Variants in THAP8 observed in about 807,000 individuals in gnomAD.
THAP8 encodes THAP domain-containing protein 8.
A neutral mutation model predicts 25.0 loss-of-function variants in THAP8; 24 were observed. That is an observed-to-expected ratio of 0.96 (90% CI 0.69 to 1.35). The LOEUF (loss-of-function observed/expected upper bound fraction) is 1.35, where lower values mean the gene tolerates loss of function less well. Among genes scored for constraint, THAP8 ranks in the 40% most tolerant of loss-of-function variants. The pLI is 0.00. For synonymous variants in THAP8, 169 were observed against 157.6 expected, an observed-to-expected ratio of 1.07 and a Z score of -0.54; for missense variants, 399 against 368.8, an observed-to-expected ratio of 1.08 and a Z score of -0.67.
chr19:36,042,960 A>T (rs1969749467), intron 1 of THAP8, among the ~76,000 whole-genome samples: 1 of 151,502 alleles, frequency 6.6e-6, no homozygotes. Flanking sequence ...ATGGAGTCTC[A>T]CTCTGTTGCC....
At position 36,044,117 on chromosome 19, in the gene THAP8, A is replaced by T. The variant is rs145821929; in HGVS notation, c.84-3981T>A. ...GACCTCCTTTTCCAGCCTTATTTGC[A>T]GCCAGGGGTGGCCACATGATCAAAT... is the stretch of plus-strand genomic sequence containing the variant. On this transcript the variant is annotated intron_variant, in intron 1 of 3. Transcript: ENST00000292894. Among the ~76,000 whole-genome samples the T allele has an allele frequency of 1.2e-3, 189 of 152,248 alleles. 1 individual carries two copies. The highest frequency in any genetic ancestry group is 4.4e-3 in the African/African-American group (183 of 41,534).
intron 1 of THAP8, 45 bp downstream of exon 1, chr19:36,054,090 C>G: frequency 6.3e-7 from 1 of 1,591,936 alleles, no homozygotes; most frequent in Non-Finnish European, 8.6e-7. Context: ...CCCCACCCCT[C>G]TCAGGGTCCC....
At position 36,039,312 on chromosome 19, in the gene THAP8, G is replaced by A; in HGVS notation, c.672+11C>T. On this transcript the variant is annotated intron_variant, in intron 3 of 3. Transcript: ENST00000292894. The stretch of plus-strand genomic sequence containing the variant: ...CCATGGATGGGGCTGCCAGGCTGGG[G>A]TGCCACTCACCAGGCGCTGCAGACC... The A allele has an allele frequency of 6.9e-7, 1 of 1,458,654 alleles. No individual in the cohort carries two copies. Among genetic ancestry groups the A allele is most frequent in the South Asian group, 1.4e-5 (1 of 72,200 alleles). The allele number at this position is 1,458,654 out of a possible 1,614,324, so 90.4% of individuals were successfully genotyped here.
chr19:36,040,168 C>T (rs746958974), intron 1 of THAP8, 32 bp from the exon 2 acceptor site: 2 of 1,572,112 alleles, frequency 1.3e-6, no homozygotes, highest in South Asian at 2.3e-5. Flanking sequence ...TGGGTCAGTG[C>T]TACGAGGTTC....
chr19:36,051,124 G>A (rs924103499), intron 1 of THAP8, among the ~76,000 whole-genome samples: 1 of 152,202 alleles, frequency 6.6e-6, no homozygotes, highest in South Asian at 2.1e-4. Context: ...AGAATCGTGT[G>A]TGTGTTTGGG....
At position 36,039,431 on chromosome 19, in the gene THAP8, T is replaced by C; in HGVS notation, c.564A>G (p.Gln188=). 1.3e-6 allele frequency: 2 copies of C among 1,583,338 alleles called. No homozygotes were observed. The highest frequency in any genetic ancestry group is 1.7e-6 in the Non-Finnish European group (2 of 1,165,020). Residue 188 remains glutamine, a synonymous_variant, in exon 3 of 4, where the codon CAA becomes CAG. Transcript: ENST00000292894. ...GCGCCTGGTGCCGCTCCTGGCACCG[T>C]TGCAGCCTCCGCACCCGGCGTTGCA... ...GALQRRVRRL[Q]RCQERHQAQL... is the part of the protein sequence containing the mutation.
chr19:36,054,547 T>G (rs1375846748), upstream of THAP8: 1 of 552,134 alleles, frequency 1.8e-6, no homozygotes, highest in Non-Finnish European at 3.3e-6. Flanking sequence ...CCAAATCAAC[T>G]GGCTAGTCAA....
At chr19:36,047,328 A>G (rs1969911465) in intron 1 of THAP8, among the ~76,000 whole-genome samples, 1 of 152,220 alleles carries the variant, frequency 6.6e-6, no homozygotes, top group African/African-American at 2.4e-5. Flanking sequence ...GGGGTGACCA[A>G]TGATGAAAAG....
At chr19:36,051,683 C>T (rs1202934638) in intron 1 of THAP8, among the ~76,000 whole-genome samples, 1 of 152,072 alleles carries the variant, frequency 6.6e-6, no homozygotes, top group African/African-American at 2.4e-5. Flanking sequence ...GCTAAGACCA[C>T]CAGGGACAAA....
At chr19:36,053,620 TCAGC>T (rs1970161338) in intron 1 of THAP8, among the ~76,000 whole-genome samples, 1 of 151,704 alleles carries the variant, frequency 6.6e-6, no homozygotes, top group African/African-American at 2.4e-5. Flanking sequence ...CTGGCTTATG[TCAGC>T]CAGATAAATA....
At chr19:36,035,723 G>A in intron 3 of THAP8, 131 bp from the exon 4 acceptor site, 1 of 1,017,250 alleles carries the variant, frequency 9.8e-7, no homozygotes, top group Non-Finnish European at 1.5e-6. Context: ...GAGATGTGGG[G>A]AGAGATATGA....
At chr19:36,053,389 A>G (rs1343794596) in intron 1 of THAP8, among the ~76,000 whole-genome samples, 4 of 148,952 alleles carry the variant, frequency 2.7e-5, no homozygotes, top group African/African-American at 9.9e-5. Flanking sequence ...AAAAAAAAAA[A>G]AAAAAAAAAA....
chr19:36,049,248 A>G (rs1172656994), intron 1 of THAP8, among the ~76,000 whole-genome samples: 4 of 151,962 alleles, frequency 2.6e-5, no homozygotes, highest in African/African-American at 9.7e-5. Flanking sequence ...AATGAAAAAA[A>G]CAAAAAAAAA....
intron 3 of THAP8, among the ~76,000 whole-genome samples, chr19:36,037,831 A>T (rs910916364): frequency 6.6e-6 from 1 of 151,542 alleles, no homozygotes; most frequent in Non-Finnish European, 1.5e-5. Flanking sequence ...GTAGAGATGG[A>T]GTTTCACCAT....
At chr19:36,040,798 A>G (rs1028642579) in intron 1 of THAP8, among the ~76,000 whole-genome samples, 2 of 152,052 alleles carry the variant, frequency 1.3e-5, no homozygotes, top group Non-Finnish European at 2.9e-5. Flanking sequence ...GGAGCAGTTT[A>G]TAAAATCAGA....
intron 3 of THAP8, 83 bp from the exon 4 acceptor site, chr19:36,035,675 A>C (rs528841714): frequency 6.6e-7 from 1 of 1,519,698 alleles, no homozygotes; most frequent in South Asian, 1.2e-5. Context: ...AGGAACAGGG[A>C]GGCAAAGGTG....
In THAP8 at chr19:36,039,543, AG is replaced by A. The variant is rs927554662; in HGVS notation, c.451del (p.Leu151TrpfsTer74). The A allele has an allele frequency of 9.1e-6, 14 of 1,535,902 alleles. No homozygotes were observed. Among genetic ancestry groups the A allele is most frequent in the African/African-American group, 2.7e-5 (2 of 73,034 alleles). ...CCGCTCAGGAGTTGGCGCAGGGGCC[AG>A]GGGGGTCAGGAGCATGGTGGCCACA... is the stretch of plus-strand genomic sequence containing the variant. ...KTVATMLLTP[L>X]APAPTPERSQ... is the part of the protein sequence containing the mutation. On this transcript the variant is annotated frameshift_variant, in exon 3 of 4. Coordinates refer to ENST00000292894, the MANE Select transcript of THAP8 (RefSeq NM_152658.3). LOFTEE classifies it high-confidence loss of function.
Position 36,035,113 on chromosome 19 carries a change from C to A in THAP8, c.*327G>T. The A allele has an allele frequency of 4.2e-6, 1 of 239,686 alleles. No individual in the cohort carries two copies. Among genetic ancestry groups the A allele is most frequent in the South Asian group, 1.2e-4 (1 of 8,520 alleles). 14.8% of individuals were successfully genotyped at this position (239,686 alleles called of 1,614,324 possible). On this transcript the variant is annotated 3_prime_UTR_variant, in exon 4 of 4. Transcript: ENST00000292894. ...ATCATGAACTCAGTACCAGGCTTGG[C>A]AAAAAGCGTGGGACTCCTTAGAACC...
chr19:36,045,641 T>C (rs1568553700), intron 1 of THAP8: 3 of 436,778 alleles, frequency 6.9e-6, no homozygotes, highest in Non-Finnish European at 9.2e-6. Context: ...TCCTGGGTCA[T>C]CCGGGTTGGC....
Sources: allele counts gnomAD v4.1 joint callset (sites outside exome capture counted in the v4.1 genomes callset), GRCh38; gene constraint gnomAD v4.1.1; transcripts MANE v1.5; gene names NCBI Gene and HGNC (gene_info 2026-07-23, HGNC 2026-07-21).